The following KRT72 variants were observed in gnomAD, a reference collection of about 807,000 sequenced individuals.
KRT72 encodes keratin 72, also known as keratin, type II cytoskeletal 72.
KRT72 carries 44 observed loss-of-function variants against 44.7 expected under a neutral mutation model. The observed-to-expected ratio is 0.98, with a 90% CI of 0.77 to 1.27. The LOEUF is 1.27. Among genes scored for constraint, KRT72 ranks in the 50% most tolerant of loss-of-function variants. The pLI is 0.00. For missense variants in KRT72, 736 were observed against 667.1 expected (o/e 1.10, Z -1.14); for synonymous variants, 302 against 280.4 (o/e 1.08, Z -0.77).
At chr12:52,596,599 T>C (rs1940234547) in intron 2 of KRT72, among the ~76,000 whole-genome samples, 1 of 151,792 alleles carries the variant, frequency 6.6e-6, no homozygotes, top group African/African-American at 2.4e-5. Flanking sequence ...TCACCCAGAC[T>C]GGAGTGCGGT....
Position 52,587,668 on chromosome 12 carries a change from C to T in KRT72, c.1273G>A (p.Ala425Thr), listed in dbSNP as rs775526937. The change falls in exon 7 of 9, where the codon GCC (alanine) becomes ACC (threonine). Residue 425 changes from alanine (A) to threonine (T), a missense_variant. Physicochemically the swap from Ala to Thr is moderately conservative, Grantham distance 58. Transcript: ENST00000293745. ...SLKLALDMEI[A>T]TYRKLLESEE... ...CTCTCCAGCAGCTTGCGGTAGGTGG[C>T]GATCTCCATATCCAGGGCCAGCTTC... The T allele has an allele frequency of 2.3e-5, 37 of 1,614,072 alleles. No individual in the cohort carries two copies. In the East Asian group the frequency reaches 4.2e-4, roughly 18 times the overall value.
At chr12:52,595,405 T>C (rs2120785562) in intron 2 of KRT72, among the ~76,000 whole-genome samples, 1 of 152,312 alleles carries the variant, frequency 6.6e-6, no homozygotes, top group Non-Finnish European at 1.5e-5. Flanking sequence ...AATAACCTAT[T>C]ATACAAGACA....
chr12:52,601,591 T>C (rs1182749008), upstream of KRT72: 1 of 808,208 alleles, frequency 1.2e-6, no homozygotes. Flanking sequence ...ACCTTTTAGA[T>C]CCCTTGAGGC....
chr12:52,601,084 G>A lies in KRT72; in HGVS notation c.369C>T (p.Ala123=), dbSNP rs1048888493. 13 of 1,612,432 alleles carry A rather than the reference G, an allele frequency of 8.1e-6. No homozygotes were observed. Among genetic ancestry groups the A allele is most frequent in the Admixed American group, 1.7e-5 (1 of 59,682 alleles). Residue 123 remains alanine, a synonymous_variant, in exon 1 of 9, where the codon GCC becomes GCT. Transcript: ENST00000293745. ...EMDPEIQRVR[A]QEREQIKALN... ...GCGCCTTGATCTGCTCCCGCTCCTGGGCGCGCACCCTCTGGATCTCGGGGT... is the reference window on the plus strand; with the variant it reads ...GCGCCTTGATCTGCTCCCGCTCCTGAGCGCGCACCCTCTGGATCTCGGGGT...
Position 52,599,116 on chromosome 12 carries a change from G to T in KRT72, c.427-4C>A. ...TCTGCTGCTCCAGGAACCGCACCTG[G>T]AACCCAAAGGCAGTCATCGCCCAGA... is the stretch of plus-strand genomic sequence containing the variant. On this transcript the variant is annotated splice_polypyrimidine_tract_variant and splice_region_variant and intron_variant, in intron 1 of 8. Coordinates refer to ENST00000293745, the MANE Select transcript of KRT72 (RefSeq NM_080747.3). The T allele has an allele frequency of 6.2e-7, 1 of 1,613,928 alleles. No individual in the cohort carries two copies. The highest frequency in any genetic ancestry group is 1.1e-5 in the South Asian group (1 of 91,070).
In KRT72 at chr12:52,585,674, C is replaced by T; in HGVS notation, c.*308G>A. 3.4e-6 allele frequency: 1 copy of T among 293,516 alleles called. No homozygotes were observed. Among genetic ancestry groups the T allele is most frequent in the Non-Finnish European group, 6.4e-6 (1 of 157,022 alleles). 18.2% of individuals were successfully genotyped at this position (293,516 alleles called of 1,614,324 possible). ...GAAGAGAGTCCCTTGGTAGTGAAGG[C>T]CCAAGAAAGGCATGGGGGCAGAGGG... On this transcript the variant is annotated 3_prime_UTR_variant, in exon 9 of 9. Coordinates refer to ENST00000293745, the MANE Select transcript of KRT72 (RefSeq NM_080747.3).
At chr12:52,587,342 G>A (rs1319936511) in intron 7 of KRT72, among the ~76,000 whole-genome samples, 2 of 152,140 alleles carry the variant, frequency 1.3e-5, no homozygotes. Flanking sequence ...ACAGCCCTTA[G>A]AGGCCATCTT....
intron 4 of KRT72, 83 bp downstream of exon 4, chr12:52,592,313 G>T: frequency 1.1e-6 from 1 of 937,880 alleles, no homozygotes; most frequent in Non-Finnish European, 1.7e-6. Context: ...CCCAATTCTT[G>T]GTCCACACCA....
At chr12:52,589,630 T>C (rs905527786) in intron 6 of KRT72, among the ~76,000 whole-genome samples, 11 of 152,178 alleles carry the variant, frequency 7.2e-5, no homozygotes, top group Admixed American at 1.3e-4. Flanking sequence ...GCCAAGGAAC[T>C]CTGCATGTGA....
chr12:52,598,709 G>A (rs1012628680), intron 2 of KRT72, among the ~76,000 whole-genome samples, 189 bp downstream of exon 2: 2 of 152,106 alleles, frequency 1.3e-5, no homozygotes, highest in Non-Finnish European at 2.9e-5. Flanking sequence ...TAGAAATTGA[G>A]CACACATTTC....
At chr12:52,594,756 A>G (rs112452147) in intron 2 of KRT72, among the ~76,000 whole-genome samples, 127 of 148,884 alleles carry the variant, frequency 8.5e-4, no homozygotes, top group Admixed American at 3.1e-3. Context: ...ATAATAATTT[A>G]AAAAAAAAGC....
chr12:52,601,047 ACTT>A lies in KRT72; in HGVS notation c.403_405del (p.Lys135del). The A allele has an allele frequency of 6.2e-7, 1 of 1,611,906 alleles. No individual in the cohort carries two copies. Among genetic ancestry groups the A allele is most frequent in the Non-Finnish European group, 8.5e-7 (1 of 1,179,294 alleles). The stretch of plus-strand genomic sequence containing the variant: ...CTCACCTTGTCGATGAAGGAGGCGA[ACTT>A]GTTGTTTAGCGCCTTGATCTGCTCC... On this transcript the variant is annotated inframe_deletion, in exon 1 of 9. Transcript: ENST00000293745.
intron 2 of KRT72, among the ~76,000 whole-genome samples, chr12:52,597,045 C>T (rs745777894): frequency 3.3e-5 from 5 of 152,212 alleles, no homozygotes; most frequent in Admixed American, 6.5e-5. Flanking sequence ...GGGTGATGGG[C>T]GCTAACCTGC....
intron 2 of KRT72, among the ~76,000 whole-genome samples, chr12:52,596,373 G>GA (rs983984050): frequency 3.3e-5 from 5 of 151,968 alleles, no homozygotes; most frequent in African/African-American, 9.7e-5. Flanking sequence ...AAGCCACTTA[G>GA]AAAAAAATCT....
intron 1 of KRT72, among the ~76,000 whole-genome samples, chr12:52,600,272 C>T (rs1454993598): frequency 6.6e-6 from 1 of 152,184 alleles, no homozygotes; most frequent in Non-Finnish European, 1.5e-5. Flanking sequence ...GCACCATGTC[C>T]TGCAACGTCT....
upstream of KRT72, among the ~76,000 whole-genome samples, chr12:52,602,097 T>A (rs1940492914): frequency 6.6e-6 from 1 of 152,046 alleles, no homozygotes; most frequent in African/African-American, 2.4e-5. Context: ...GTGTTGAGGG[T>A]TGACTTTGGA....
rs773510817 is a variant in KRT72, at chr12:52,587,824, C to T, written c.1117G>A (p.Asp373Asn). The change falls in exon 7 of 9, where the codon GAC (aspartate) becomes AAC (asparagine). Residue 373 changes from aspartate to asparagine, a missense_variant. Transcript: ENST00000293745. ...QCADLETAIADAEQRGDCALK... is the reference protein window; with the variant it reads ...QCADLETAIANAEQRGDCALK... ...GCGCAGTCCCCCCGCTGTTCAGCGT[C>T]GGCGATGGCCGTCTCCAGATCGGCA... is the stretch of plus-strand genomic sequence containing the variant. 44 of 1,613,994 alleles carry T rather than the reference C, an allele frequency of 2.7e-5. No individual in the cohort carries two copies. Among genetic ancestry groups the T allele is most frequent in the African/African-American group, 2.3e-4 (17 of 74,934 alleles).
chr12:52,602,474 T>C (rs1940507201), upstream of KRT72, among the ~76,000 whole-genome samples: 2 of 152,182 alleles, frequency 1.3e-5, no homozygotes, highest in Non-Finnish European at 2.9e-5. Flanking sequence ...CCTAACCCGA[T>C]TTCCTTTTCT....
rs569540468 is a variant in KRT72 at position 52,586,063 on chromosome 12, T to C, written c.1455A>G (p.Lys485=). 1 of 1,614,202 alleles carries C rather than the reference T, an allele frequency of 6.2e-7. No homozygotes were observed. Among genetic ancestry groups the C allele is most frequent in the African/African-American group, 1.3e-5 (1 of 75,064 alleles). Residue 485 remains lysine, a synonymous_variant, in exon 9 of 9, where the codon AAA becomes AAG. Coordinates refer to ENST00000293745, the MANE Select transcript of KRT72 (RefSeq NM_080747.3). Reference sequence around the variant, plus strand: ...CCTTGAGCTCACTGCCACAGCTGCCTTTGGTCTTGACGTCTGCAGCTGCAG... The same window carrying C: ...CCTTGAGCTCACTGCCACAGCTGCCCTTGGTCTTGACGTCTGCAGCTGCAG... ...YKTAAADVKT[K]GSCGSELKDP...
Sources: gnomAD v4.1 joint callset for allele counts (sites outside exome capture counted in the v4.1 genomes callset) on GRCh38, gnomAD v4.1.1 for gene constraint, MANE v1.5 for transcripts, NCBI Gene and HGNC (gene_info 2026-07-23, HGNC 2026-07-21) for gene names.